The following SMAD2 variants were observed in gnomAD, a reference collection of about 807,000 sequenced individuals.
SMAD2 encodes the protein MAD homolog 2.
SMAD2 carries 8 observed loss-of-function variants against 64.4 expected under a neutral mutation model. That is an observed-to-expected ratio of 0.12 (90% confidence interval 0.07 to 0.22). The LOEUF (loss-of-function observed/expected upper bound fraction) is 0.22. Ranked by LOEUF, SMAD2 falls within the 10% of genes least tolerant of loss-of-function variation. The pLI is 1.00. For missense variants in SMAD2, 289 were observed against 561.2 expected (o/e 0.51, Z 4.90); for synonymous variants, 203 against 195.8 (o/e 1.04, Z -0.31).
intron 2 of SMAD2, among the ~76,000 whole-genome samples, chr18:47,871,044 T>C (rs2031901976): frequency 6.6e-6 from 1 of 152,238 alleles, no homozygotes; most frequent in African/African-American, 2.4e-5. Context: ...TTTTAAGTTT[T>C]ACTGAAAATT....
At position 47,816,879 on chromosome 18, in the gene SMAD2, C is replaced by T. The variant is rs1912391045; in HGVS notation, c.*24948G>A. 1 of 151,546 alleles carries T rather than the reference C, an allele frequency of 6.6e-6. No homozygotes were observed. Among genetic ancestry groups the T allele is most frequent in the Non-Finnish European group, 1.5e-5 (1 of 67,990 alleles). 9.4% of individuals were successfully genotyped at this position (151,546 alleles called of 1,614,324 possible). Reference sequence around the variant, plus strand: ...TCAGGTTCAAGCCAATCTTCTGCCTCAGCCTCCCAAGTAGCGGGATCATAG... The same window carrying T: ...TCAGGTTCAAGCCAATCTTCTGCCTTAGCCTCCCAAGTAGCGGGATCATAG... On this transcript the variant is annotated 3_prime_UTR_variant, in exon 11 of 11. Coordinates refer to ENST00000262160, the MANE Select transcript of SMAD2 (RefSeq NM_005901.6).
rs1912961899 is a variant in SMAD2 at position 47,830,874 on chromosome 18, T to C, written c.*10953A>G. The C allele has an allele frequency of 6.4e-6, 1 of 155,552 alleles. No homozygotes were observed. Among genetic ancestry groups the C allele is most frequent in the African/African-American group, 2.4e-5 (1 of 41,576 alleles). The allele number at this position is 155,552 out of a possible 1,614,324, so 9.6% of individuals were successfully genotyped here. On this transcript the variant is annotated 3_prime_UTR_variant, in exon 11 of 11. Transcript: ENST00000262160. ...TACTTATTAGAAAAATCCACATATA[T>C]ACAAAACTCTGCTAAAATTCCAATG...
At chr18:47,908,959 T>C (rs554581687) in intron 1 of SMAD2, among the ~76,000 whole-genome samples, 27 of 151,974 alleles carry the variant, frequency 1.8e-4, no homozygotes, top group African/African-American at 6.0e-4. Context: ...AGAAAAATCA[T>C]GACATTACAA....
chr18:47,868,553 T>A, intron 4 of SMAD2, 96 bp from the exon 5 acceptor site: 1 of 982,820 alleles, frequency 1.0e-6, no homozygotes, highest in Non-Finnish European at 1.6e-6. Flanking sequence ...AGTTGTAGCT[T>A]AATTTTTAAA....
At chr18:47,849,416 A>G (rs746094892) in intron 7 of SMAD2, among the ~76,000 whole-genome samples, 51 of 152,212 alleles carry the variant, frequency 3.4e-4, no homozygotes, top group Non-Finnish European at 6.6e-4. Context: ...CCAAACATGT[A>G]ACAACCGAAG....
At position 47,825,062 on chromosome 18, in the gene SMAD2, G is replaced by A. The variant is rs1912699625; in HGVS notation, c.*16765C>T. The A allele has an allele frequency of 1.3e-5, 2 of 152,160 alleles. No individual in the cohort carries two copies. Among genetic ancestry groups the A allele is most frequent in the Non-Finnish European group, 2.9e-5 (2 of 68,032 alleles). The allele number at this position is 152,160 out of a possible 1,614,324, so 9.4% of individuals were successfully genotyped here. A position where few individuals can be genotyped will look rare whatever the true frequency, so the allele number is the denominator to read the frequency against. On this transcript the variant is annotated 3_prime_UTR_variant, in exon 11 of 11. Transcript: ENST00000262160. ...GTGATTTTTTAAAGTCCCATCCACT[G>A]GGCTGCCAGTAAAAGACCACAAAAT...
rs1256881940 is a variant in SMAD2 at position 47,811,014 on chromosome 18, G to T, written c.*30813C>A. The T allele has an allele frequency of 6.6e-6, 1 of 152,216 alleles. No individual in the cohort carries two copies. Among genetic ancestry groups the T allele is most frequent in the African/African-American group, 2.4e-5 (1 of 41,444 alleles). 9.4% of individuals were successfully genotyped at this position (152,216 alleles called of 1,614,324 possible). ...GAGCACTACGATCCCCCAAGGAGTGGAATGCAGTAGCTACAGTTTCAACTG... is the reference window on the plus strand; with the variant it reads ...GAGCACTACGATCCCCCAAGGAGTGTAATGCAGTAGCTACAGTTTCAACTG... On this transcript the variant is annotated 3_prime_UTR_variant, in exon 11 of 11. Coordinates refer to ENST00000262160, the MANE Select transcript of SMAD2 (RefSeq NM_005901.6).
intron 1 of SMAD2, among the ~76,000 whole-genome samples, chr18:47,926,774 T>C (rs2034784430): frequency 6.6e-6 from 1 of 152,158 alleles, no homozygotes; most frequent in Non-Finnish European, 1.5e-5. Flanking sequence ...AGGCAAATCA[T>C]TTGGATTAGA....
rs1177503379 is a variant in SMAD2, at chr18:47,830,598, GTTT to G, written c.*11226_*11228del. The G allele has an allele frequency of 7.0e-6, 1 of 142,514 alleles. No homozygotes were observed. Among genetic ancestry groups the G allele is most frequent in the Non-Finnish European group, 1.5e-5 (1 of 65,780 alleles). 8.8% of individuals were successfully genotyped at this position (142,514 alleles called of 1,614,324 possible). A position where few individuals can be genotyped will look rare whatever the true frequency, so the allele number is the denominator to read the frequency against. On this transcript the variant is annotated 3_prime_UTR_variant, in exon 11 of 11. Coordinates refer to ENST00000262160, the MANE Select transcript of SMAD2 (RefSeq NM_005901.6). ...CTCCAAAAAAAAAAAAAAAAAATTC[GTTT>G]TTCTCACAGCAGCACATTTCTAAAT...
chr18:47,921,031 C>T (rs1568118480), intron 1 of SMAD2, among the ~76,000 whole-genome samples: 1 of 152,184 alleles, frequency 6.6e-6, no homozygotes, highest in Non-Finnish European at 1.5e-5. Flanking sequence ...TAGGCATGCG[C>T]CTGCAGTCCC....
chr18:47,891,095 A>G (rs561614488), intron 2 of SMAD2, among the ~76,000 whole-genome samples: 143 of 152,270 alleles, frequency 9.4e-4, no homozygotes, highest in African/African-American at 3.3e-3. Context: ...ACCTGAGGTC[A>G]GGAGTTCGAA....
intron 6 of SMAD2, among the ~76,000 whole-genome samples, chr18:47,854,811 G>A (rs1293451110): frequency 6.6e-6 from 1 of 151,746 alleles, no homozygotes; most frequent in African/African-American, 2.4e-5. Context: ...TATAACATCC[G>A]CAAACCACAA....
intron 2 of SMAD2, among the ~76,000 whole-genome samples, chr18:47,881,621 T>G (rs2032594733): frequency 6.6e-6 from 1 of 152,206 alleles, no homozygotes; most frequent in Non-Finnish European, 1.5e-5. Flanking sequence ...GGTCTTCTAT[T>G]AAAATAATAA....
intron 6 of SMAD2, among the ~76,000 whole-genome samples, chr18:47,854,763 G>T (rs1016281952): frequency 5.3e-5 from 8 of 151,748 alleles, no homozygotes; most frequent in Admixed American, 5.2e-4. Context: ...AGTACAAAAA[G>T]CTCCCATATG....
intron 6 of SMAD2, among the ~76,000 whole-genome samples, chr18:47,859,801 T>C (rs1326692842): frequency 6.6e-6 from 1 of 152,156 alleles, no homozygotes; most frequent in African/African-American, 2.4e-5. Context: ...CAACAAAGAC[T>C]ACTGATTAAT....
chr18:47,894,193 T>C (rs2033331754), intron 2 of SMAD2, among the ~76,000 whole-genome samples: 1 of 152,234 alleles, frequency 6.6e-6, no homozygotes, highest in Non-Finnish European at 1.5e-5. Context: ...CAATGGCAAC[T>C]TGAGCCTTGT....
intron 2 of SMAD2, among the ~76,000 whole-genome samples, chr18:47,891,770 C>G (rs780211102): frequency 6.6e-6 from 1 of 151,872 alleles, no homozygotes; most frequent in African/African-American, 2.4e-5. Flanking sequence ...TGCCTTTTAA[C>G]AGAAAAAACT....
Position 47,835,829 on chromosome 18 carries a change from A to G in SMAD2, c.*5998T>C, listed in dbSNP as rs1174816596. ...AATAAATTACCATCTTTAATTAAAA[A>G]TAAGTAAATCAAAGAGCATATTTGG... On this transcript the variant is annotated 3_prime_UTR_variant, in exon 11 of 11. Coordinates refer to ENST00000262160, the MANE Select transcript of SMAD2 (RefSeq NM_005901.6). The G allele has an allele frequency of 1.0e-5, 2 of 195,990 alleles. No individual in the cohort carries two copies. Among genetic ancestry groups the G allele is most frequent in the Middle Eastern group, 1.7e-3 (1 of 594 alleles). 12.1% of individuals were successfully genotyped at this position (195,990 alleles called of 1,614,324 possible). A position where few individuals can be genotyped will look rare whatever the true frequency, so the allele number is the denominator to read the frequency against.
At chr18:47,896,908 T>C in intron 1 of SMAD2, 99 bp from the exon 2 acceptor site, 4 of 1,144,010 alleles carry the variant, frequency 3.5e-6, no homozygotes. Context: ...AAGATAGAAA[T>C]TCGAATTATG....
Sources: allele counts gnomAD v4.1 joint callset (sites outside exome capture counted in the v4.1 genomes callset), GRCh38; gene constraint gnomAD v4.1.1; transcripts MANE v1.5; gene names NCBI Gene and HGNC (gene_info 2026-07-23, HGNC 2026-07-21).